The following TNR variants were observed in gnomAD, a reference collection of about 807,000 sequenced individuals.
TNR encodes tenascin-R.
In TNR, 45 loss-of-function variants were observed where a neutral mutation model predicts 150.4. The observed-to-expected ratio is 0.30, with a 90% CI of 0.24 to 0.38. TNR has a LOEUF of 0.38. Among genes scored for constraint, TNR ranks in the 10% least tolerant of loss-of-function variants. The pLI, the probability that TNR is intolerant of heterozygous loss-of-function variation, is 1.00. For synonymous variants in TNR, 687 were observed against 678.4 expected, an observed-to-expected ratio of 1.01 and a Z score of -0.20; for missense variants, 1,544 against 1,759.1, an observed-to-expected ratio of 0.88 and a Z score of 2.19.
At chr1:175,646,942 A>T (rs1015799882) in intron 1 of TNR, among the ~76,000 whole-genome samples, 4 of 152,186 alleles carry the variant, frequency 2.6e-5, no homozygotes, top group African/African-American at 9.7e-5. Flanking sequence ...AAGGTACCAC[A>T]TCTGGTTAGT....
At chr1:175,606,126 G>A (rs1663397211) in intron 1 of TNR, among the ~76,000 whole-genome samples, 1 of 152,136 alleles carries the variant, frequency 6.6e-6, no homozygotes, top group South Asian at 2.1e-4. Flanking sequence ...GGAGATTTTG[G>A]GGCAATAAAA....
At position 175,621,720 on chromosome 1, in the gene TNR, C is replaced by T. The variant is rs117578734; in HGVS notation, c.-164-93351G>A. Among the ~76,000 whole-genome samples the T allele has an allele frequency of 1.3e-3, 201 of 152,332 alleles. No homozygotes were observed. The East Asian group carries it at 0.032, about 24-fold the overall frequency. ...CCTCACTTGGAACTTTCCTGCTCCT[C>T]CCTCCTTCCTCTCTGCCTTTATATC... is the stretch of plus-strand genomic sequence containing the variant. On this transcript the variant is annotated intron_variant, in intron 1 of 22. Coordinates refer to ENST00000367674, the MANE Select transcript of TNR (RefSeq NM_003285.3).
intron 1 of TNR, among the ~76,000 whole-genome samples, chr1:175,613,279 A>G (rs377252627): frequency 7.2e-5 from 11 of 152,214 alleles, no homozygotes; most frequent in African/African-American, 2.4e-4. Flanking sequence ...CCAGGGCCCA[A>G]ATCCTTCCCA....
At chr1:175,346,096 A>G (rs904681139) in intron 18 of TNR, among the ~76,000 whole-genome samples, 1 of 152,202 alleles carries the variant, frequency 6.6e-6, no homozygotes, top group Admixed American at 6.5e-5. Flanking sequence ...ATTTCAATGT[A>G]TGAAAAAAAC....
chr1:175,516,048 G>T (rs535615639), intron 2 of TNR, among the ~76,000 whole-genome samples: 1 of 152,314 alleles, frequency 6.6e-6, no homozygotes, highest in South Asian at 2.1e-4. Flanking sequence ...ATTTTATATT[G>T]TTGCTGTCTG....
chr1:175,685,523 C>T (rs577775006), intron 1 of TNR, among the ~76,000 whole-genome samples: 8 of 152,148 alleles, frequency 5.3e-5, no homozygotes, highest in Non-Finnish European at 8.8e-5. Context: ...TTTCATTCTG[C>T]CCATGACCAT....
intron 4 of TNR, among the ~76,000 whole-genome samples, chr1:175,398,306 C>T (rs114882881): frequency 2.6e-3 from 389 of 152,246 alleles, no homozygotes; most frequent in African/African-American, 8.8e-3. Context: ...GAAAGCAGAG[C>T]TTCTTGAGGA....
At chr1:175,711,495 C>T (rs552387359) in intron 1 of TNR, among the ~76,000 whole-genome samples, 1 of 152,248 alleles carries the variant, frequency 6.6e-6, no homozygotes, top group African/African-American at 2.4e-5. Context: ...GAGCAGCACC[C>T]GGATTGCCCC....
intron 2 of TNR, among the ~76,000 whole-genome samples, chr1:175,518,108 T>G (rs562402312): frequency 6.6e-6 from 1 of 152,332 alleles, no homozygotes; most frequent in Admixed American, 6.5e-5. Flanking sequence ...ACTCACAGAT[T>G]TCCCAGATAT....
chr1:175,637,825 A>C (rs1447159085), intron 1 of TNR, among the ~76,000 whole-genome samples: 1 of 152,150 alleles, frequency 6.6e-6, no homozygotes, highest in Non-Finnish European at 1.5e-5. Context: ...TTTGGATTAG[A>C]TCTCTTTGCT....
At chr1:175,494,495 G>C (rs557094397) in intron 2 of TNR, among the ~76,000 whole-genome samples, 1 of 152,342 alleles carries the variant, frequency 6.6e-6, no homozygotes, top group South Asian at 2.1e-4. Context: ...TTTCTGGCCA[G>C]AGAAACTGCC....
In TNR at chr1:175,331,095, T is replaced by TTCTTTCTTTCTTTCTTTCTTTCTC. The variant is rs1557868199; in HGVS notation, c.3632-861_3632-860insGAGAAAGAAAGAAAGAAAGAAAGA. On this transcript the variant is annotated intron_variant, in intron 20 of 22. Coordinates refer to ENST00000367674, the MANE Select transcript of TNR (RefSeq NM_003285.3). ...TTTCTTTCCTTCTTTCTTTCTTTCT[T>TTCTTTCTTTCTTTCTTTCTTTCTC]TCTTTCTCTCTCTCTTTCTTTTCTT... 1.4e-4 allele frequency among the ~76,000 whole-genome samples: 18 copies of TTCTTTCTTTCTTTCTTTCTTTCTC among 132,134 alleles called. 1 individual carries two copies. The highest frequency in any genetic ancestry group is 4.6e-4 in the South Asian group (2 of 4,318). 86.7% of individuals were successfully genotyped at this position (132,134 alleles called of 152,430 possible).
intron 1 of TNR, among the ~76,000 whole-genome samples, chr1:175,741,714 T>C (rs1331711370): frequency 6.6e-6 from 1 of 152,174 alleles, no homozygotes; most frequent in Non-Finnish European, 1.5e-5. Flanking sequence ...AGTGGTGCCA[T>C]TTCACTCAGA....
At chr1:175,468,800 G>A (rs1255060001) in intron 2 of TNR, among the ~76,000 whole-genome samples, 3 of 152,110 alleles carry the variant, frequency 2.0e-5, no homozygotes, top group Non-Finnish European at 1.5e-5. Context: ...AGGAGGAGGT[G>A]GGGCCAGCCT....
chr1:175,576,813 C>A (rs116159470), intron 1 of TNR, among the ~76,000 whole-genome samples: 1 of 152,062 alleles, frequency 6.6e-6, no homozygotes, highest in African/African-American at 2.4e-5. Context: ...TTCTTAAACC[C>A]CCAAACCAAA....
intron 1 of TNR, among the ~76,000 whole-genome samples, chr1:175,652,557 G>A (rs1189293709): frequency 6.6e-6 from 1 of 152,178 alleles, no homozygotes; most frequent in Non-Finnish European, 1.5e-5. Context: ...ACCAGATCAT[G>A]AGGGTGGACT....
At chr1:175,415,477 T>C (rs1372786707) in intron 2 of TNR, among the ~76,000 whole-genome samples, 1 of 152,214 alleles carries the variant, frequency 6.6e-6, no homozygotes, top group Non-Finnish European at 1.5e-5. Flanking sequence ...CCAGCCTGGG[T>C]GCTGCCTCCC....
At chr1:175,361,895 C>A (rs1651607319) in intron 14 of TNR, among the ~76,000 whole-genome samples, 1 of 152,208 alleles carries the variant, frequency 6.6e-6, no homozygotes, top group Non-Finnish European at 1.5e-5. Flanking sequence ...GTGGTGCTAG[C>A]AAAGGAGCCT....
intron 2 of TNR, among the ~76,000 whole-genome samples, chr1:175,513,235 A>T (rs1046475202): frequency 3.2e-4 from 49 of 152,064 alleles, no homozygotes; most frequent in African/African-American, 1.1e-3. Context: ...GGCGTTATTT[A>T]TTGGGGGAAA....
Sources: allele counts gnomAD v4.1 joint callset (sites outside exome capture counted in the v4.1 genomes callset), GRCh38; gene constraint gnomAD v4.1.1; transcripts MANE v1.5; gene names NCBI Gene and HGNC (gene_info 2026-07-23, HGNC 2026-07-21).